The following CYFIP1 variants were observed in gnomAD, a reference collection of about 807,000 sequenced individuals.
CYFIP1 encodes cytoplasmic FMR1-interacting protein 1.
CYFIP1 carries 58 observed loss-of-function variants against 163.5 expected under a neutral mutation model. The ratio of observed to expected loss-of-function variants is 0.35; its 90% CI spans 0.29 to 0.44. CYFIP1 has a LOEUF of 0.44. CYFIP1 is among the 20% of genes least tolerant of loss of function. The pLI, the probability that CYFIP1 is intolerant of heterozygous loss-of-function variation, is 1.00. For synonymous variants in CYFIP1, 663 were observed against 660.7 expected (o/e 1.00, Z -0.05); for missense variants, 1,338 against 1,653.8 (o/e 0.81, Z 3.31).
intron 23 of CYFIP1, among the ~76,000 whole-genome samples, chr15:22,889,785 A>T (rs2060023328): frequency 1.3e-5 from 2 of 152,186 alleles, no homozygotes; most frequent in South Asian, 2.1e-4. Context: ...GGGATTAAAA[A>T]TTTCAAAGTC....
intron 25 of CYFIP1, among the ~76,000 whole-genome samples, chr15:22,880,420 G>A (rs1197185799): frequency 6.6e-6 from 1 of 152,188 alleles, no homozygotes; most frequent in African/African-American, 2.4e-5. Context: ...GGAAGGGGCC[G>A]CACCTAATCT....
chr15:22,936,153 T>C (rs2061704616), intron 9 of CYFIP1, among the ~76,000 whole-genome samples: 1 of 152,010 alleles, frequency 6.6e-6, no homozygotes, highest in African/African-American at 2.4e-5. Context: ...GCACCTGTAG[T>C]CCCAGCTACT....
chr15:22,873,709 C>G lies in CYFIP1; in HGVS notation c.3231G>C (p.Glu1077Asp). ...GGCGCTCCTTTGTCAGCAGGTCCCC[C>G]TCTCTTGCGATGGCAATTTGCTGCA... ...GTPQQIAIAREGDLLTKERLC... is the reference protein window; with the variant it reads ...GTPQQIAIARDGDLLTKERLC... The change falls in exon 29 of 31, where the codon GAG becomes GAC. Residue 1077 changes from glutamate to aspartate, a missense_variant. Around this residue, in one of 4 missense-constraint regions of CYFIP1, gnomAD observed 306 missense variants for 322.1 expected, o/e 0.95. Coordinates refer to ENST00000617928, the MANE Select transcript of CYFIP1 (RefSeq NM_014608.6). The G allele has an allele frequency of 6.2e-7, 1 of 1,613,238 alleles. No individual in the cohort carries two copies. Among genetic ancestry groups the G allele is most frequent in the Non-Finnish European group, 8.5e-7 (1 of 1,179,230 alleles).
At chr15:22,961,242 G>C (rs1001940076) in intron 1 of CYFIP1, among the ~76,000 whole-genome samples, 1 of 152,104 alleles carries the variant, frequency 6.6e-6, no homozygotes, top group Admixed American at 6.5e-5. Flanking sequence ...GGCTGGTCTC[G>C]AACTCCTGAC....
intron 12 of CYFIP1, among the ~76,000 whole-genome samples, chr15:22,926,790 A>G (rs2061370289): frequency 6.6e-6 from 1 of 152,198 alleles, no homozygotes; most frequent in Admixed American, 6.5e-5. Context: ...TAGAAATAAG[A>G]CAGTGTTAGA....
chr15:22,930,627 A>G (rs911156595), intron 11 of CYFIP1, among the ~76,000 whole-genome samples: 11 of 152,052 alleles, frequency 7.2e-5, no homozygotes, highest in Non-Finnish European at 1.5e-4. Context: ...TTGGGTCTTC[A>G]TTTTTAACGA....
chr15:22,893,866 G>A (rs1197907367), intron 22 of CYFIP1, among the ~76,000 whole-genome samples: 1 of 152,184 alleles, frequency 6.6e-6, no homozygotes, highest in Non-Finnish European at 1.5e-5. Flanking sequence ...GCATCTGCGT[G>A]AGTCCATGTA....
At chr15:22,885,735 A>C (rs184135982) in intron 23 of CYFIP1, among the ~76,000 whole-genome samples, 10 of 152,234 alleles carry the variant, frequency 6.6e-5, no homozygotes, top group Admixed American at 5.9e-4. Flanking sequence ...TCCATTTCAA[A>C]AAACAAACAA....
chr15:22,931,963 C>T (rs2061553230), intron 11 of CYFIP1, among the ~76,000 whole-genome samples: 1 of 152,150 alleles, frequency 6.6e-6, no homozygotes, highest in South Asian at 2.1e-4. Flanking sequence ...AGGTGTGTGG[C>T]CTAGGAGCCA....
At chr15:22,877,272 TCCCCTTCTCTGTTC>T (rs2059613202) in intron 26 of CYFIP1, among the ~76,000 whole-genome samples, 1 of 152,080 alleles carries the variant, frequency 6.6e-6, no homozygotes, top group Admixed American at 6.6e-5. Flanking sequence ...AACACCCGCT[TCCCCTTCTCTGTTC>T]CCCCAGAGCT....
chr15:22,973,771 T>G (rs1184041685), intron 1 of CYFIP1, among the ~76,000 whole-genome samples: 1 of 152,158 alleles, frequency 6.6e-6, no homozygotes, highest in Non-Finnish European at 1.5e-5. Context: ...AAAGTGACAA[T>G]CTACAGAATG....
intron 16 of CYFIP1, among the ~76,000 whole-genome samples, chr15:22,916,216 C>A (rs1376233971): frequency 6.6e-6 from 1 of 152,208 alleles, no homozygotes; most frequent in African/African-American, 2.4e-5. Flanking sequence ...CTGTTTCCAA[C>A]CCCGCATGGG....
In CYFIP1 at chr15:22,934,421, G is replaced by A. The variant is rs567828585; in HGVS notation, c.901-528C>T. Among the ~76,000 whole-genome samples the A allele has an allele frequency of 3.4e-5, 5 of 145,306 alleles. No homozygotes were observed. The East Asian group carries it at 1.0e-3, about 30-fold the overall frequency. ...AGGATGGTCTCAATCTCCTGACCTCGTGATCTACCCACCTCAGCCTCCCAA... is the reference window on the plus strand; with the variant it reads ...AGGATGGTCTCAATCTCCTGACCTCATGATCTACCCACCTCAGCCTCCCAA... On this transcript the variant is annotated intron_variant, in intron 9 of 30. Transcript: ENST00000617928.
At chr15:22,955,037 C>T (rs981982427) in intron 1 of CYFIP1, among the ~76,000 whole-genome samples, 3 of 152,196 alleles carry the variant, frequency 2.0e-5, no homozygotes, top group African/African-American at 7.2e-5. Context: ...CCTGCTGGAT[C>T]GTGGAACCCC....
chr15:22,950,720 C>T (rs1376790501), intron 1 of CYFIP1, among the ~76,000 whole-genome samples: 3 of 152,258 alleles, frequency 2.0e-5, no homozygotes, highest in South Asian at 2.1e-4. Context: ...CCTTGTCCAG[C>T]GTGTCCAAGC....
intron 1 of CYFIP1, among the ~76,000 whole-genome samples, chr15:22,974,719 G>C (rs2063210019): frequency 6.6e-6 from 1 of 152,176 alleles, no homozygotes; most frequent in African/African-American, 2.4e-5. Context: ...GACAGAGTGA[G>C]ACCCTGTCTC....
At chr15:22,972,519 CA>C (rs775665213) in intron 1 of CYFIP1, among the ~76,000 whole-genome samples, 17 of 152,178 alleles carry the variant, frequency 1.1e-4, no homozygotes, top group Non-Finnish European at 5.9e-5. Context: ...ACACATAAAC[CA>C]ATGGAACAGA....
At chr15:22,916,767 G>T in intron 15 of CYFIP1, 137 bp from the exon 16 acceptor site, 3 of 1,604,356 alleles carry the variant, frequency 1.9e-6, no homozygotes, top group Non-Finnish European at 2.6e-6. Flanking sequence ...CTCCCCGAGG[G>T]GTCCGGGTGC....
At chr15:22,912,766 C>A (rs1245736145) in intron 17 of CYFIP1, among the ~76,000 whole-genome samples, 1 of 151,908 alleles carries the variant, frequency 6.6e-6, no homozygotes, top group Non-Finnish European at 1.5e-5. Context: ...AACAAAACTA[C>A]AAAAAACTAT....
Sources: gnomAD v4.1 joint callset for allele counts (sites outside exome capture counted in the v4.1 genomes callset) on GRCh38, gnomAD v4.1.1 for gene constraint, gnomAD v4.1.1 regional missense constraint, MANE v1.5 for transcripts, NCBI Gene and HGNC (gene_info 2026-07-23, HGNC 2026-07-21) for gene names.